Variants in ASAP1 observed in about 807,000 individuals in gnomAD.
The protein encoded by ASAP1 is ArfGAP with SH3 domain, ankyrin repeat and PH domain 1, also known as arf-GAP with SH3 domain, ANK repeat and PH domain-containing protein 1.
ASAP1 carries 43 observed loss-of-function variants against 145.2 expected under a neutral mutation model. The ratio of observed to expected loss-of-function variants is 0.30; its 90% confidence interval spans 0.23 to 0.38. The LOEUF (loss-of-function observed/expected upper bound fraction) is 0.38. Among genes scored for constraint, ASAP1 ranks in the 10% least tolerant of loss-of-function variants. The pLI, the probability that ASAP1 is intolerant of heterozygous loss-of-function variation, is 1.00. For synonymous variants in ASAP1, 546 were observed against 515.5 expected (o/e 1.06, Z -0.80); for missense variants, 1,018 against 1,355.3 (o/e 0.75, Z 3.91).
chr8:130,128,336 T>C (rs2097578379), intron 15 of ASAP1, among the ~76,000 whole-genome samples: 1 of 151,396 alleles, frequency 6.6e-6, no homozygotes, highest in African/African-American at 2.4e-5. Flanking sequence ...GAGGAGCAGA[T>C]GAGAAAAGTA....
chr8:130,276,619 G>A (rs1019513939), intron 3 of ASAP1, among the ~76,000 whole-genome samples: 5 of 149,954 alleles, frequency 3.3e-5, no homozygotes, highest in East Asian at 4.0e-4. Context: ...TACTTAGCCC[G>A]AATTCTGACC....
intron 18 of ASAP1, among the ~76,000 whole-genome samples, chr8:130,122,874 T>C (rs2097568811): frequency 6.6e-6 from 1 of 152,238 alleles, no homozygotes; most frequent in African/African-American, 2.4e-5. Context: ...ATGACATTCA[T>C]CTGGCAGCTG....
At chr8:130,398,393 A>T (rs1828629652) in intron 2 of ASAP1, among the ~76,000 whole-genome samples, 1 of 152,208 alleles carries the variant, frequency 6.6e-6, no homozygotes, top group East Asian at 1.9e-4. Context: ...TATACAATTT[A>T]AAAATAATAA....
intron 4 of ASAP1, among the ~76,000 whole-genome samples, chr8:130,232,122 G>A (rs970893807): frequency 6.6e-5 from 10 of 152,174 alleles, no homozygotes; most frequent in Non-Finnish European, 1.3e-4. Context: ...ACAGAAGGAC[G>A]AGGTTGAAGC....
intron 2 of ASAP1, among the ~76,000 whole-genome samples, chr8:130,372,781 G>A (rs1827271903): frequency 6.6e-6 from 1 of 152,190 alleles, no homozygotes; most frequent in Admixed American, 6.5e-5. Flanking sequence ...GCTGTTGCCT[G>A]AGAGAGAATT....
chr8:130,311,404 A>G (rs946815598), intron 3 of ASAP1, among the ~76,000 whole-genome samples: 2 of 152,242 alleles, frequency 1.3e-5, no homozygotes, highest in Admixed American at 1.3e-4. Context: ...ATTGTATTCT[A>G]TCTTTTCCTA....
intron 9 of ASAP1, among the ~76,000 whole-genome samples, chr8:130,178,223 G>A (rs1383278519): frequency 6.6e-6 from 1 of 152,178 alleles, no homozygotes; most frequent in Non-Finnish European, 1.5e-5. Context: ...GCTTATGAGA[G>A]CTGTCCATTC....
chr8:130,401,942 ATGTCTCAGCCG>A lies in ASAP1; in HGVS notation c.-10_1del, dbSNP rs749369157. Reference sequence around the variant, plus strand: ...GGAGAGCCTGGAGGCTGAAGATCTCATGTCTCAGCCGTCACATCAGAAAACGACCTGGATAG... The same window carrying A: ...GGAGAGCCTGGAGGCTGAAGATCTCATCACATCAGAAAACGACCTGGATAG... On this transcript the variant is annotated start_lost and start_retained_variant and 5_prime_UTR_variant, in exon 2 of 30. Coordinates refer to ENST00000518721, the MANE Select transcript of ASAP1 (RefSeq NM_018482.4). 11 of 1,612,568 alleles carry A rather than the reference ATGTCTCAGCCG, an allele frequency of 6.8e-6. No homozygotes were observed. The highest frequency in any genetic ancestry group is 8.5e-6 in the Non-Finnish European group (10 of 1,179,150).
intron 17 of ASAP1, among the ~76,000 whole-genome samples, chr8:130,125,268 A>T (rs1170394970): frequency 6.6e-6 from 1 of 152,068 alleles, no homozygotes; most frequent in East Asian, 1.9e-4. Context: ...TAGGCATCCT[A>T]CTTGGGGGAT....
intron 7 of ASAP1, among the ~76,000 whole-genome samples, chr8:130,181,321 T>C (rs1291342287): frequency 1.3e-5 from 2 of 152,222 alleles, no homozygotes; most frequent in African/African-American, 2.4e-5. Flanking sequence ...CAGATTCATA[T>C]ACATTCTCTT....
intron 1 of ASAP1, among the ~76,000 whole-genome samples, chr8:130,407,560 A>T (rs979871145): frequency 6.6e-6 from 1 of 152,070 alleles, no homozygotes; most frequent in African/African-American, 2.4e-5. Context: ...ACAACCTCTC[A>T]TTTCCCGCTG....
At chr8:130,115,893 T>C (rs1423468231) in intron 22 of ASAP1, among the ~76,000 whole-genome samples, 158 bp from the exon 23 acceptor site, 1 of 152,262 alleles carries the variant, frequency 6.6e-6, no homozygotes, top group African/African-American at 2.4e-5. Flanking sequence ...TGCACTGCTA[T>C]GTGACAGGCT....
chr8:130,249,003 A>G (rs1565134218), intron 3 of ASAP1, among the ~76,000 whole-genome samples: 1 of 152,082 alleles, frequency 6.6e-6, no homozygotes, highest in Admixed American at 6.6e-5. Context: ...GGCTCAAGGG[A>G]TCCTCCTGCC....
intron 5 of ASAP1, among the ~76,000 whole-genome samples, chr8:130,199,208 G>A (rs1815706131): frequency 6.6e-6 from 1 of 152,190 alleles, no homozygotes; most frequent in Admixed American, 6.5e-5. Context: ...AAGCTTCTTG[G>A]AGGCAGAGGC....
chr8:130,431,017 A>T (rs1587039530), intron 1 of ASAP1, among the ~76,000 whole-genome samples: 1 of 152,244 alleles, frequency 6.6e-6, no homozygotes, highest in East Asian at 1.9e-4. Context: ...ACTCTAAGGG[A>T]CGCACACACT....
chr8:130,380,554 AAG>A (rs1827719186), intron 2 of ASAP1, among the ~76,000 whole-genome samples: 1 of 152,162 alleles, frequency 6.6e-6, no homozygotes, highest in Non-Finnish European at 1.5e-5. Context: ...CACTGTCCTC[AAG>A]GAGGAGCACA....
At chr8:130,401,681 T>A (rs941736943) in intron 2 of ASAP1, among the ~76,000 whole-genome samples, 1 of 152,140 alleles carries the variant, frequency 6.6e-6, no homozygotes, top group African/African-American at 2.4e-5. Context: ...ATAAAGGCAA[T>A]GGATAATGTG....
chr8:130,366,623 C>T (rs146258737), intron 2 of ASAP1, among the ~76,000 whole-genome samples: 121 of 152,160 alleles, frequency 8.0e-4, no homozygotes, highest in African/African-American at 2.8e-3. Context: ...TAAGAGTGTG[C>T]GATCTGGATT....
At chr8:130,435,372 C>A (rs1253608665) in intron 1 of ASAP1, among the ~76,000 whole-genome samples, 3 of 152,126 alleles carry the variant, frequency 2.0e-5, no homozygotes, top group African/African-American at 7.2e-5. Context: ...TATTGTCTTC[C>A]CTGTGCTAGA....
Sources: gnomAD v4.1 joint callset for allele counts (sites outside exome capture counted in the v4.1 genomes callset) on GRCh38, gnomAD v4.1.1 for gene constraint, MANE v1.5 for transcripts, NCBI Gene and HGNC (gene_info 2026-07-23, HGNC 2026-07-21) for gene names.